The following GNG5 variants were observed in gnomAD, a reference collection of about 807,000 sequenced individuals.
GNG5 encodes the protein G protein subunit gamma 5.
In GNG5, 2 loss-of-function variants were observed where a neutral mutation model predicts 6.2. That is an observed-to-expected ratio of 0.32 (90% CI 0.13 to 1.01). The LOEUF is 1.01. GNG5 is among the 50% of genes least tolerant of loss of function. The probability of loss-of-function intolerance (pLI) is 0.48; values close to 1 mark genes in which losing one functional copy is unlikely to be tolerated. For missense variants in GNG5, 57 were observed against 80.2 expected (o/e 0.71, Z 1.10); for synonymous variants, 24 against 33.0 (o/e 0.73, Z 0.93).
intron 3 of GNG5, among the ~76,000 whole-genome samples, chr1:84,501,062 A>G (rs1558551292): frequency 6.6e-6 from 1 of 152,216 alleles, no homozygotes; most frequent in Non-Finnish European, 1.5e-5. Flanking sequence ...CTCTTAGATT[A>G]ACATACATTT....
chr1:84,501,976 C>A lies in GNG5; in HGVS notation c.82-6G>T. ...TCTGCAGCTGCCTGGGAAACCTATA[C>A]ATAACAAAGAGGGGGGGAAGTGCCA... On this transcript the variant is annotated splice_region_variant and splice_polypyrimidine_tract_variant and intron_variant, in intron 2 of 3. Coordinates refer to ENST00000370645, the MANE Select transcript of GNG5 (RefSeq NM_005274.3). 1.2e-6 allele frequency: 2 copies of A among 1,609,344 alleles called. No individual in the cohort carries two copies. The highest frequency in any genetic ancestry group is 1.7e-6 in the Non-Finnish European group (2 of 1,176,394).
At chr1:84,500,542 AC>A (rs1030533134) in intron 3 of GNG5, among the ~76,000 whole-genome samples, 7 of 152,334 alleles carry the variant, frequency 4.6e-5, no homozygotes, top group African/African-American at 1.7e-4. Flanking sequence ...TCATTAATAA[AC>A]CATAAAAATA....
chr1:84,501,391 C>G (rs1043693894), intron 3 of GNG5, among the ~76,000 whole-genome samples: 2 of 152,204 alleles, frequency 1.3e-5, no homozygotes, highest in Non-Finnish European at 2.9e-5. Flanking sequence ...GCAATAACAT[C>G]AAGAGTTAAT....
chr1:84,499,740 T>C (rs1233736805), intron 3 of GNG5, among the ~76,000 whole-genome samples: 3 of 152,214 alleles, frequency 2.0e-5, no homozygotes, highest in Non-Finnish European at 2.9e-5. Context: ...TTTAATCCTG[T>C]GTTATTCTAT....
chr1:84,501,553 G>A (rs1458371674), intron 3 of GNG5, among the ~76,000 whole-genome samples: 2 of 152,136 alleles, frequency 1.3e-5, no homozygotes, highest in Non-Finnish European at 2.9e-5. Flanking sequence ...GGCTTGTTAC[G>A]GCAGTGGGAT....
At chr1:84,503,332 T>C (rs916295103) in intron 2 of GNG5, among the ~76,000 whole-genome samples, 30 of 152,208 alleles carry the variant, frequency 2.0e-4, no homozygotes, top group African/African-American at 7.2e-4. Flanking sequence ...TCACAAATGC[T>C]CTCTATACCA....
intron 2 of GNG5, among the ~76,000 whole-genome samples, chr1:84,504,647 A>G (rs1682125867): frequency 6.6e-6 from 1 of 152,222 alleles, no homozygotes; most frequent in East Asian, 1.9e-4. Context: ...AGCCAAATCC[A>G]GCCAAGACTG....
intron 3 of GNG5, among the ~76,000 whole-genome samples, chr1:84,500,700 C>T (rs1441636908): frequency 6.6e-6 from 1 of 151,850 alleles, no homozygotes; most frequent in African/African-American, 2.4e-5. Context: ...GCTTTTTTTC[C>T]CCCTGGTATT....
chr1:84,505,746 T>C (rs1426975919), intron 2 of GNG5, among the ~76,000 whole-genome samples: 1 of 152,148 alleles, frequency 6.6e-6, no homozygotes, highest in Non-Finnish European at 1.5e-5. Flanking sequence ...GACCGGAATG[T>C]CGGCCACGGT....
chr1:84,502,912 G>T (rs1248465920), intron 2 of GNG5, among the ~76,000 whole-genome samples: 14 of 152,204 alleles, frequency 9.2e-5, no homozygotes, highest in Admixed American at 8.5e-4. Context: ...CTAAGGTGAT[G>T]TAGGATATAA....
At chr1:84,501,175 C>T (rs1276556948) in intron 3 of GNG5, among the ~76,000 whole-genome samples, 1 of 152,046 alleles carries the variant, frequency 6.6e-6, no homozygotes, top group Non-Finnish European at 1.5e-5. Flanking sequence ...AAATTCAGTC[C>T]ACTGTCTGTT....
rs1681984543 is a variant in GNG5 at position 84,498,444 on chromosome 1, A to C, written c.*124T>G. On this transcript the variant is annotated 3_prime_UTR_variant, in exon 4 of 4. Transcript: ENST00000370645. ...GATGTTAAGGACTGACGAAAGTAGA[A>C]GTTTGTATATTATGGCACATGTGTT... is the stretch of plus-strand genomic sequence containing the variant. 1 of 152,804 alleles carries C rather than the reference A, an allele frequency of 6.5e-6. No individual in the cohort carries two copies. Among genetic ancestry groups the C allele is most frequent in the Non-Finnish European group, 1.5e-5 (1 of 68,028 alleles). 9.5% of individuals were successfully genotyped at this position (152,804 alleles called of 1,614,324 possible). A position where few individuals can be genotyped will look rare whatever the true frequency, so the allele number is the denominator to read the frequency against.
chr1:84,501,783 T>C, intron 3 of GNG5, 43 bp downstream of exon 3: 1 of 1,218,900 alleles, frequency 8.2e-7, no homozygotes, highest in Non-Finnish European at 1.2e-6. Context: ...AGACTAGTTA[T>C]TCCTACAGTG....
At chr1:84,499,691 G>C (rs1386001774) in intron 3 of GNG5, among the ~76,000 whole-genome samples, 2 of 152,100 alleles carry the variant, frequency 1.3e-5, no homozygotes, top group Admixed American at 1.3e-4. Context: ...CGTCTTATCT[G>C]CATTTTTTTG....
intron 3 of GNG5, among the ~76,000 whole-genome samples, chr1:84,500,591 T>C (rs1682038417): frequency 6.6e-6 from 1 of 152,200 alleles, no homozygotes; most frequent in South Asian, 2.1e-4. Flanking sequence ...ATTAAATGAA[T>C]AGTACCAGAA....
Position 84,506,183 on chromosome 1 carries a change from C to A in GNG5, c.-92G>T. The A allele has an allele frequency of 9.8e-7, 1 of 1,015,432 alleles. No individual in the cohort carries two copies. The highest frequency in any genetic ancestry group is 1.4e-6 in the Non-Finnish European group (1 of 717,978). 62.9% of individuals were successfully genotyped at this position (1,015,432 alleles called of 1,614,324 possible). A position where few individuals can be genotyped will look rare whatever the true frequency, so the allele number is the denominator to read the frequency against. ...ACAACTCAGCGGCGCGCGGCGGGGG[C>A]GGGGCTCCGAACTTTGTCTCTAAGT... On this transcript the variant is annotated 5_prime_UTR_variant, in exon 2 of 4. Transcript: ENST00000370645.
intron 3 of GNG5, among the ~76,000 whole-genome samples, chr1:84,500,648 C>G (rs972057936): frequency 7.9e-5 from 12 of 152,198 alleles, no homozygotes; most frequent in Admixed American, 7.9e-4. Context: ...TGAATTACTT[C>G]TTCATGTGCA....
chr1:84,499,649 T>C (rs1178901865), intron 3 of GNG5, among the ~76,000 whole-genome samples: 2 of 152,202 alleles, frequency 1.3e-5, no homozygotes, highest in East Asian at 3.8e-4. Flanking sequence ...AAAGGCAGAA[T>C]GAAAAACGGC....
At chr1:84,500,800 C>G (rs1308096926) in intron 3 of GNG5, among the ~76,000 whole-genome samples, 1 of 152,018 alleles carries the variant, frequency 6.6e-6, no homozygotes, top group Non-Finnish European at 1.5e-5. Context: ...GTCTAGGAAG[C>G]TTAATTAAGG....
Sources: gnomAD v4.1 joint callset for allele counts (sites outside exome capture counted in the v4.1 genomes callset) on GRCh38, gnomAD v4.1.1 for gene constraint, MANE v1.5 for transcripts, NCBI Gene and HGNC (gene_info 2026-07-23, HGNC 2026-07-21) for gene names.